Variants in KCNN2 observed in about 807,000 individuals in gnomAD.
KCNN2 encodes the protein potassium calcium-activated channel subfamily N member 2, also known as small conductance calcium-activated potassium channel protein 2.
A neutral mutation model predicts 55.5 loss-of-function variants in KCNN2; 24 were observed. The observed-to-expected ratio is 0.43, with a 90% CI of 0.31 to 0.61. The LOEUF (loss-of-function observed/expected upper bound fraction) is 0.61, where lower values mean the gene tolerates loss of function less well. Ranked by LOEUF, KCNN2 falls within the 20% of genes least tolerant of loss-of-function variation. The pLI is 0.08. For synonymous variants in KCNN2, 431 were observed against 336.1 expected (o/e 1.28, Z -3.09); for missense variants, 754 against 853.6 (o/e 0.88, Z 1.45).
At chr5:114,292,241 G>A (rs902554107) in intron 2 of KCNN2, among the ~76,000 whole-genome samples, 12 of 152,148 alleles carry the variant, frequency 7.9e-5, no homozygotes, top group South Asian at 2.1e-4. Flanking sequence ...TTTGCTTTTC[G>A]TGTTTTAGAC....
intron 2 of KCNN2, among the ~76,000 whole-genome samples, chr5:114,374,996 G>T (rs1368025713): frequency 6.6e-6 from 1 of 152,100 alleles, no homozygotes; most frequent in African/African-American, 2.4e-5. Flanking sequence ...GAAATTCTGT[G>T]CAATATTTGC....
chr5:114,450,866 C>T (rs749661858), intron 3 of KCNN2, among the ~76,000 whole-genome samples: 5 of 152,172 alleles, frequency 3.3e-5, no homozygotes, highest in African/African-American at 4.8e-5. Flanking sequence ...CTGGATATTA[C>T]ATATAACAAA....
Position 114,373,798 on chromosome 5 carries a change from A to AT in KCNN2, c.1218+9808dup, listed in dbSNP as rs200960610. On this transcript the variant is annotated intron_variant, in intron 2 of 7. Transcript: ENST00000673685. ...CTTCTCTGGGCTTTAGAAAACTGTG[A>AT]TTTTTTTTTTTCCTTATGAAACTTA... Among the ~76,000 whole-genome samples the AT allele has an allele frequency of 1.9e-3, 270 of 142,026 alleles. 1 individual carries two copies. In the East Asian group the frequency reaches 0.028, roughly 15 times the overall value. 93.2% of individuals were successfully genotyped at this position (142,026 alleles called of 152,430 possible). A position where few individuals can be genotyped will look rare whatever the true frequency, so the allele number is the denominator to read the frequency against.
At chr5:114,402,686 C>T (rs947194829) in intron 2 of KCNN2, among the ~76,000 whole-genome samples, 2 of 152,144 alleles carry the variant, frequency 1.3e-5, no homozygotes. Context: ...AATGGCGGCC[C>T]TCGAGGAAAA....
intron 2 of KCNN2, among the ~76,000 whole-genome samples, chr5:114,248,695 A>G (rs1754797844): frequency 6.6e-6 from 1 of 152,202 alleles, no homozygotes; most frequent in Non-Finnish European, 1.5e-5. Context: ...TCAAGCAACT[A>G]TTTATCATAG....
Position 114,362,841 on chromosome 5 carries a change from G to A in KCNN2, c.702G>A (p.Arg234=), listed in dbSNP as rs991379118. 6.2e-7 allele frequency: 1 copy of A among 1,600,124 alleles called. No homozygotes were observed. Among genetic ancestry groups the A allele is most frequent in the Non-Finnish European group, 8.5e-7 (1 of 1,178,720 alleles). ...TCAGCAACTTGAGCGCGTCCCGCCGGAACCTGCACGAGATGGACTCAGAGG... is the reference window on the plus strand; with the variant it reads ...TCAGCAACTTGAGCGCGTCCCGCCGAAACCTGCACGAGATGGACTCAGAGG... ...RPLSNLSASR[R]NLHEMDSEAQ... is the part of the protein sequence containing the mutation. Residue 234 remains arginine, a synonymous_variant, in exon 1 of 8, where the codon CGG becomes CGA. Transcript: ENST00000673685.
At chr5:114,418,832 C>G (rs1759384016) in intron 3 of KCNN2, among the ~76,000 whole-genome samples, 1 of 152,196 alleles carries the variant, frequency 6.6e-6, no homozygotes, top group African/African-American at 2.4e-5. Flanking sequence ...TGGAAATGCA[C>G]TCTGCAGATG....
At chr5:114,157,951 G>A (rs1018579629) in intron 1 of KCNN2, among the ~76,000 whole-genome samples, 1 of 151,640 alleles carries the variant, frequency 6.6e-6, no homozygotes, top group Non-Finnish European at 1.5e-5. Context: ...CATTCTGTAG[G>A]TTGCGTGTTC....
intron 2 of KCNN2, among the ~76,000 whole-genome samples, chr5:114,375,838 A>T (rs897478175): frequency 2.0e-5 from 3 of 151,552 alleles, no homozygotes; most frequent in Admixed American, 6.6e-5. Context: ...TTATTTTGCA[A>T]AAAGAAAGCA....
chr5:114,134,661 G>C (rs2954368), intron 1 of KCNN2, among the ~76,000 whole-genome samples: 2 of 151,720 alleles, frequency 1.3e-5, no homozygotes, highest in Non-Finnish European at 2.9e-5. Context: ...ATTTTTGGTA[G>C]AGACGGAGTT....
At chr5:114,211,143 G>C (rs185439262) in intron 1 of KCNN2, among the ~76,000 whole-genome samples, 1 of 152,240 alleles carries the variant, frequency 6.6e-6, no homozygotes, top group East Asian at 1.9e-4. Context: ...ATTGTGGAAA[G>C]TAGTGTGGCG....
chr5:114,237,487 A>G (rs1028392212), intron 2 of KCNN2, among the ~76,000 whole-genome samples: 26 of 152,110 alleles, frequency 1.7e-4, no homozygotes, highest in African/African-American at 6.0e-4. Context: ...AGTTGTGGAC[A>G]TTGGAGACTA....
At chr5:114,136,407 C>T (rs1341185350) in intron 1 of KCNN2, among the ~76,000 whole-genome samples, 2 of 152,170 alleles carry the variant, frequency 1.3e-5, no homozygotes, top group Admixed American at 6.5e-5. Flanking sequence ...TCTTAGACTT[C>T]CCTGCCTTCA....
chr5:114,469,583 T>C (rs1358703601), intron 4 of KCNN2, among the ~76,000 whole-genome samples: 2 of 152,228 alleles, frequency 1.3e-5, no homozygotes, highest in African/African-American at 4.8e-5. Flanking sequence ...TAGTCCCAAC[T>C]GTTTCTACAT....
intron 1 of KCNN2, among the ~76,000 whole-genome samples, chr5:114,131,215 C>T (rs781745562): frequency 1.3e-5 from 2 of 152,038 alleles, no homozygotes; most frequent in Admixed American, 6.6e-5. Flanking sequence ...GTTTGCTGCA[C>T]GAATTAACCC....
chr5:114,142,315 G>T (rs932918040), intron 1 of KCNN2, among the ~76,000 whole-genome samples: 1 of 152,092 alleles, frequency 6.6e-6, no homozygotes, highest in Non-Finnish European at 1.5e-5. Context: ...TGTATAAGGT[G>T]TAAGGAAGGG....
At chr5:114,159,853 C>T (rs921114116) in intron 1 of KCNN2, among the ~76,000 whole-genome samples, 4 of 151,948 alleles carry the variant, frequency 2.6e-5, no homozygotes, top group Admixed American at 2.0e-4. Context: ...GGTGACATCC[C>T]CTTTGTCATT....
At chr5:114,133,855 A>T (rs143646376) in intron 1 of KCNN2, among the ~76,000 whole-genome samples, 3 of 152,344 alleles carry the variant, frequency 2.0e-5, no homozygotes, top group African/African-American at 7.2e-5. Flanking sequence ...ACAAATCGTT[A>T]AAAATGCACA....
intron 2 of KCNN2, among the ~76,000 whole-genome samples, chr5:114,260,513 A>G (rs980362095): frequency 6.6e-6 from 1 of 152,218 alleles, no homozygotes; most frequent in Non-Finnish European, 1.5e-5. Flanking sequence ...GTAAACATAT[A>G]TTGTCTTTCC....
Sources: gnomAD v4.1 joint callset for allele counts (sites outside exome capture counted in the v4.1 genomes callset) on GRCh38, gnomAD v4.1.1 for gene constraint, MANE v1.5 for transcripts, NCBI Gene and HGNC (gene_info 2026-07-23, HGNC 2026-07-21) for gene names.